Variants in DNER observed in about 807,000 individuals in gnomAD.
The protein encoded by DNER is delta and Notch-like epidermal growth factor-related receptor.
A neutral mutation model predicts 78.2 loss-of-function variants in DNER; 33 were observed. The observed-to-expected ratio is 0.42, with a 90% CI of 0.32 to 0.56. DNER has a LOEUF of 0.56. DNER is among the 20% of genes least tolerant of loss of function. The pLI, the probability that DNER is intolerant of heterozygous loss-of-function variation, is 0.11. For missense variants in DNER, 918 were observed against 975.3 expected, an observed-to-expected ratio of 0.94 and a Z score of 0.78; for synonymous variants, 417 against 384.8, an observed-to-expected ratio of 1.08 and a Z score of -0.98.
At chr2:229,642,538 C>G (rs1256953937) in intron 1 of DNER, among the ~76,000 whole-genome samples, 3 of 152,188 alleles carry the variant, frequency 2.0e-5, no homozygotes, top group African/African-American at 7.2e-5. Context: ...AAAAACATGA[C>G]CAGGGCAGTC....
At chr2:229,700,724 C>A (rs1699732407) in intron 1 of DNER, among the ~76,000 whole-genome samples, 1 of 150,812 alleles carries the variant, frequency 6.6e-6, no homozygotes. Flanking sequence ...ACTATCCTGG[C>A]TAACACGGTG....
chr2:229,668,517 T>TATATATACTTACCTATATATAGGTAA (rs1491497801), intron 1 of DNER, among the ~76,000 whole-genome samples: 3 of 53,392 alleles, frequency 5.6e-5, no homozygotes, highest in African/African-American at 3.8e-4. Context: ...TAGGTAAGTA[T>TATATATACTTACCTATATATAGGTAA]GTGTGTGTGT....
intron 1 of DNER, among the ~76,000 whole-genome samples, chr2:229,649,949 C>T (rs1419140223): frequency 6.6e-6 from 1 of 151,836 alleles, no homozygotes; most frequent in Admixed American, 6.6e-5. Flanking sequence ...GTGGCAGCCA[C>T]CTGTAGTCCC....
At chr2:229,493,871 A>G (rs1695452707) in intron 6 of DNER, among the ~76,000 whole-genome samples, 1 of 152,198 alleles carries the variant, frequency 6.6e-6, no homozygotes, top group South Asian at 2.1e-4. Flanking sequence ...GCCCAGCTAG[A>G]AAAGGGTAAG....
At chr2:229,385,332 A>G (rs1450599330) in intron 11 of DNER, among the ~76,000 whole-genome samples, 1 of 152,200 alleles carries the variant, frequency 6.6e-6, no homozygotes, top group Admixed American at 6.5e-5. Context: ...TCTCAAAATA[A>G]GAGCTATTTA....
intron 1 of DNER, among the ~76,000 whole-genome samples, chr2:229,630,482 TAATAATAA>T (rs547803896): frequency 1.7e-4 from 13 of 75,594 alleles, no homozygotes; most frequent in African/African-American, 4.9e-4. Context: ...CATCTCAAAA[TAATAATAA>T]TAATAATAAT....
chr2:229,614,040 GC>G (rs1257930729), intron 1 of DNER, among the ~76,000 whole-genome samples: 9 of 149,894 alleles, frequency 6.0e-5, no homozygotes, highest in Non-Finnish European at 8.9e-5. Context: ...GTGGGGGGGA[GC>G]GGGGAGGGAT....
intron 6 of DNER, among the ~76,000 whole-genome samples, chr2:229,494,689 G>C (rs1032847644): frequency 6.6e-6 from 1 of 152,238 alleles, no homozygotes; most frequent in Non-Finnish European, 1.5e-5. Flanking sequence ...ACCTGGAGTA[G>C]AGGTGGGATT....
intron 5 of DNER, among the ~76,000 whole-genome samples, chr2:229,531,463 A>T (rs762252158): frequency 6.6e-6 from 1 of 152,216 alleles, no homozygotes; most frequent in Non-Finnish European, 1.5e-5. Context: ...AGCACAAGAT[A>T]CCAATTCACA....
In DNER at chr2:229,585,825, TG is replaced by T. The variant is rs766409809; in HGVS notation, c.847+32del. On this transcript the variant is annotated intron_variant, in intron 4 of 12. Coordinates refer to ENST00000341772, the MANE Select transcript of DNER (RefSeq NM_139072.4). ...CAAACCAAAGTTGGGTTGAATCAGA[TG>T]CAGTGTTGAGTAGAAGATTTTGGTA... The T allele has an allele frequency of 2.5e-6, 4 of 1,612,292 alleles. No individual in the cohort carries two copies. The East Asian group carries it at 6.7e-5, about 27-fold the overall frequency.
intron 4 of DNER, among the ~76,000 whole-genome samples, chr2:229,547,946 T>A (rs1696657303): frequency 6.6e-6 from 1 of 152,236 alleles, no homozygotes; most frequent in Admixed American, 6.5e-5. Context: ...TTTCACTAAG[T>A]GAGCATTTTT....
chr2:229,391,597 A>C (rs1400308795), intron 10 of DNER, among the ~76,000 whole-genome samples: 1 of 152,046 alleles, frequency 6.6e-6, no homozygotes, highest in Non-Finnish European at 1.5e-5. Context: ...GCTTGAGTGC[A>C]GTGGCACAAT....
At chr2:229,667,761 T>C (rs1378928560) in intron 1 of DNER, among the ~76,000 whole-genome samples, 1 of 152,188 alleles carries the variant, frequency 6.6e-6, no homozygotes, top group Non-Finnish European at 1.5e-5. Flanking sequence ...AATAAAACCA[T>C]GTTAAGTTTA....
intron 4 of DNER, among the ~76,000 whole-genome samples, chr2:229,573,778 C>T (rs1470382874): frequency 2.0e-5 from 3 of 152,264 alleles, no homozygotes; most frequent in Admixed American, 1.3e-4. Flanking sequence ...AATGTGATAG[C>T]GTCCATGAAA....
At chr2:229,475,875 C>T (rs1695024666) in intron 7 of DNER, among the ~76,000 whole-genome samples, 1 of 152,134 alleles carries the variant, frequency 6.6e-6, no homozygotes, top group African/African-American at 2.4e-5. Flanking sequence ...AAACACTAAA[C>T]GACAAGGCCT....
chr2:229,650,189 GA>G (rs1196547460), intron 1 of DNER, among the ~76,000 whole-genome samples: 3 of 152,042 alleles, frequency 2.0e-5, no homozygotes, highest in African/African-American at 7.3e-5. Flanking sequence ...TCTGACTAAG[GA>G]AATTTCATCA....
intron 10 of DNER, among the ~76,000 whole-genome samples, chr2:229,398,583 G>A (rs936577396): frequency 3.3e-5 from 5 of 151,978 alleles, no homozygotes; most frequent in Non-Finnish European, 7.4e-5. Flanking sequence ...TTGTGTCTAC[G>A]TTCATATTAA....
intron 1 of DNER, among the ~76,000 whole-genome samples, chr2:229,706,669 G>C (rs540873328): frequency 1.3e-5 from 2 of 152,110 alleles, no homozygotes; most frequent in Non-Finnish European, 2.9e-5. Flanking sequence ...TTACGCAAAC[G>C]TATGTGGCTG....
chr2:229,441,077 G>A (rs186342337), intron 8 of DNER, among the ~76,000 whole-genome samples: 1,758 of 151,976 alleles, frequency 0.012, 13 homozygotes, highest in Non-Finnish European at 0.019. Context: ...CCCCACATGT[G>A]TCCCCATGAG....
Sources: gnomAD v4.1 joint callset for allele counts (sites outside exome capture counted in the v4.1 genomes callset) on GRCh38, gnomAD v4.1.1 for gene constraint, MANE v1.5 for transcripts, NCBI Gene and HGNC (gene_info 2026-07-23, HGNC 2026-07-21) for gene names.